The following SPRYD3 variants were observed in gnomAD, a reference collection of about 807,000 sequenced individuals.
The protein encoded by SPRYD3 is SPRY domain-containing protein 3.
SPRYD3 carries 17 observed loss-of-function variants against 50.1 expected under a neutral mutation model. That is an observed-to-expected ratio of 0.34 (90% CI 0.23 to 0.51). The LOEUF is 0.51. Among genes scored for constraint, SPRYD3 ranks in the 20% least tolerant of loss-of-function variants. The pLI is 0.97. For synonymous variants in SPRYD3, 198 were observed against 215.5 expected (o/e 0.92, Z 0.71); for missense variants, 401 against 591.2 (o/e 0.68, Z 3.34).
chr12:53,067,393 G>T (rs538047149), intron 8 of SPRYD3, among the ~76,000 whole-genome samples: 6 of 152,144 alleles, frequency 3.9e-5, no homozygotes, highest in African/African-American at 1.2e-4. Context: ...GGAAGGGCAC[G>T]GGGGGACCAG....
intron 8 of SPRYD3, among the ~76,000 whole-genome samples, chr12:53,066,938 C>A (rs1201950468): frequency 2.6e-5 from 4 of 152,060 alleles, no homozygotes; most frequent in Non-Finnish European, 5.9e-5. Flanking sequence ...CATGGCGAAA[C>A]ATCTCTACTA....
At chr12:53,072,071 T>A (rs1220941858) in intron 6 of SPRYD3, among the ~76,000 whole-genome samples, 1 of 152,070 alleles carries the variant, frequency 6.6e-6, no homozygotes, top group East Asian at 1.9e-4. Context: ...AGAGAAAGGA[T>A]GCCAGGAAAA....
intron 1 of SPRYD3, chr12:53,078,011 C>G (rs1454896576): frequency 2.4e-6 from 1 of 410,560 alleles, no homozygotes; most frequent in Non-Finnish European, 5.0e-6. Flanking sequence ...GTAGTGAGAC[C>G]TCATCTCTAC....
At position 53,077,358 on chromosome 12, in the gene SPRYD3, G is replaced by A. The variant is rs1456384039; in HGVS notation, c.24-97C>T. ...AAGGTAGAGAAGGCACTGGCCTTGA[G>A]GCCAGCTGCCCAGATTGACCTCAAC... On this transcript the variant is annotated intron_variant, in intron 1 of 10. Transcript: ENST00000301463. The A allele has an allele frequency of 6.6e-6, 9 of 1,357,236 alleles. No individual in the cohort carries two copies. In the African/African-American group the frequency reaches 1.0e-4, roughly 15 times the overall value. 84.1% of individuals were successfully genotyped at this position (1,357,236 alleles called of 1,614,324 possible).
Position 53,074,901 on chromosome 12 carries a change from C to A in SPRYD3, c.372-117G>T. On this transcript the variant is annotated intron_variant, in intron 4 of 10. Transcript: ENST00000301463. The surrounding 1 kb of genome is among the most constrained non-coding windows in gnomAD (Gnocchi z 4.6). ...GCTCCTGGTCATTCTGTGATGGTAC[C>A]CACTTACGTCCTGGCGTGAGCATCA... 2.1e-6 allele frequency: 3 copies of A among 1,401,782 alleles called. No individual in the cohort carries two copies. In the South Asian group the frequency reaches 3.8e-5, roughly 18 times the overall value. The allele number at this position is 1,401,782 out of a possible 1,614,324, so 86.8% of individuals were successfully genotyped here. A position where few individuals can be genotyped will look rare whatever the true frequency, so the allele number is the denominator to read the frequency against.
intron 3 of SPRYD3, among the ~76,000 whole-genome samples, chr12:53,075,527 GAGC>G (rs1347485382): frequency 6.6e-6 from 1 of 152,174 alleles, no homozygotes; most frequent in Admixed American, 6.5e-5. Flanking sequence ...AGGGGTAGGA[GAGC>G]AGAAGGGACA....
At chr12:53,077,376 A>G in intron 1 of SPRYD3, 115 bp from the exon 2 acceptor site, 10 of 1,015,422 alleles carry the variant, frequency 9.8e-6, no homozygotes, top group Middle Eastern at 3.0e-4. Context: ...GCCCAGATTG[A>G]CCTCAACAAC....
In SPRYD3 at chr12:53,070,708, G is replaced by A. The variant is rs822678; in HGVS notation, c.694-2404C>T. ...CCTAAATCAGTGTAAATGGGGTTAC[G>A]TTGGAATTGCCGATCACAAAGAAGG... is the stretch of plus-strand genomic sequence containing the variant. On this transcript the variant is annotated intron_variant, in intron 6 of 10. Transcript: ENST00000301463. Among the ~76,000 whole-genome samples the A allele has an allele frequency of 8.1e-3, 1,237 of 152,238 alleles. 14 individuals are homozygous for A. The highest frequency in any genetic ancestry group is 0.028 in the African/African-American group (1,162 of 41,522).
chr12:53,067,793 A>G (rs879078335), intron 7 of SPRYD3, 88 bp from the exon 8 acceptor site: 1 of 1,260,310 alleles, frequency 7.9e-7, no homozygotes, highest in Non-Finnish European at 1.2e-6. Flanking sequence ...CCTCTGGGAC[A>G]GACCACAGCC....
chr12:53,072,714 G>T (rs939270991), intron 6 of SPRYD3, among the ~76,000 whole-genome samples: 5 of 152,358 alleles, frequency 3.3e-5, no homozygotes, highest in Non-Finnish European at 7.3e-5. Flanking sequence ...ACTAAAGCAG[G>T]TATGAGGAAA....
At chr12:53,069,654 T>G (rs1944535295) in intron 6 of SPRYD3, among the ~76,000 whole-genome samples, 1 of 152,206 alleles carries the variant, frequency 6.6e-6, no homozygotes, top group African/African-American at 2.4e-5. Flanking sequence ...GAAAGCAGCA[T>G]GCACGGGAGA....
rs555605487 is a variant in SPRYD3 at position 53,066,339 on chromosome 12, G to A, written c.1169C>T (p.Pro390Leu). The change falls in exon 10 of 11, where the codon CCG becomes CTG. Residue 390 changes from proline to leucine, a missense_variant. Transcript: ENST00000301463. ...CACCACCTTCCTGCCCTCATGCTCCGGCTCTATCTCTTCCCCATCCTCTTC... is the reference window on the plus strand; with the variant it reads ...CACCACCTTCCTGCCCTCATGCTCCAGCTCTATCTCTTCCCCATCCTCTTC... ...EEEEDGEEIE[P>L]EHEGRKVVVF... The A allele has an allele frequency of 2.4e-5, 39 of 1,613,728 alleles. No individual in the cohort carries two copies. The highest frequency in any genetic ancestry group is 3.3e-5 in the Admixed American group (2 of 59,992).
chr12:53,072,832 G>A (rs1224321082), intron 6 of SPRYD3, among the ~76,000 whole-genome samples: 3 of 152,188 alleles, frequency 2.0e-5, no homozygotes, highest in Non-Finnish European at 4.4e-5. Context: ...AACTGACATT[G>A]ACACTTCCTC....
At chr12:53,073,060 TGAGTTCCCTGAAGAG>T in intron 6 of SPRYD3, 1 of 439,622 alleles carries the variant, frequency 2.3e-6, no homozygotes. Flanking sequence ...ACTGCGAACC[TGAGTTCCCTGAAGAG>T]GAGGAAGTGA....
intron 1 of SPRYD3, among the ~76,000 whole-genome samples, chr12:53,078,437 C>A (rs997442017): frequency 1.2e-4 from 18 of 147,678 alleles, no homozygotes; most frequent in Non-Finnish European, 1.0e-4. Flanking sequence ...TGCAGTGAGC[C>A]GAGATCGTCC....
chr12:53,074,839 C>A lies in SPRYD3; in HGVS notation c.372-55G>T. 3 of 1,601,030 alleles carry A rather than the reference C, an allele frequency of 1.9e-6. No homozygotes were observed. Among genetic ancestry groups the A allele is most frequent in the South Asian group, 2.2e-5 (2 of 90,162 alleles). Reference sequence around the variant, plus strand: ...CCGAGCCTGGCCTCCCAACTTCTCCCCAGCACTGACAGCAGAGGCCTCATC... The same window carrying A: ...CCGAGCCTGGCCTCCCAACTTCTCCACAGCACTGACAGCAGAGGCCTCATC... On this transcript the variant is annotated intron_variant, in intron 4 of 10. Coordinates refer to ENST00000301463, the MANE Select transcript of SPRYD3 (RefSeq NM_032840.3). The surrounding 1 kb of genome is among the most constrained non-coding windows in gnomAD (Gnocchi z 4.6).
Position 53,073,440 on chromosome 12 carries a change from T to G in SPRYD3, c.539A>C (p.Asp180Ala), listed in dbSNP as rs1324907255. Residue 180 changes from aspartate (D) to alanine (A), a missense_variant, in exon 6 of 11, where the codon GAT becomes GCT. Asp to Ala is a moderately radical substitution (Grantham distance 126). Coordinates refer to ENST00000301463, the MANE Select transcript of SPRYD3 (RefSeq NM_032840.3). ...VGSTIMPMSP[D>A]GLFPAVGMHS... is the part of the protein sequence containing the mutation. ...CATGCCCACTGCTGGGAACAGTCCA[T>G]CTGGGGACATGGGCATGATGGTAGA... 6.4e-7 allele frequency: 1 copy of G among 1,564,596 alleles called. No individual in the cohort carries two copies. The highest frequency in any genetic ancestry group is 8.7e-7 in the Non-Finnish European group (1 of 1,152,978).
intron 3 of SPRYD3, among the ~76,000 whole-genome samples, 164 bp downstream of exon 3, chr12:53,075,572 A>T: frequency 6.6e-6 from 1 of 152,176 alleles, no homozygotes; most frequent in Admixed American, 6.5e-5. Context: ...CCTATCTCTC[A>T]GATGAGGGGC....
At chr12:53,078,883 G>T (rs907687890) in intron 1 of SPRYD3, among the ~76,000 whole-genome samples, 1 of 152,172 alleles carries the variant, frequency 6.6e-6, no homozygotes, top group African/African-American at 2.4e-5. Context: ...CGCAAATTAC[G>T]ACTCTTATGC....
Sources: allele counts gnomAD v4.1 joint callset (sites outside exome capture counted in the v4.1 genomes callset), GRCh38; gene constraint gnomAD v4.1.1; non-coding constraint Gnocchi (gnomAD v3.1); transcripts MANE v1.5; gene names NCBI Gene and HGNC (gene_info 2026-07-23, HGNC 2026-07-21).